Variants in PDE8B observed in about 807,000 individuals in gnomAD.
The protein encoded by PDE8B is high affinity cAMP-specific and IBMX-insensitive 3',5'-cyclic phosphodiesterase 8B.
Under a neutral mutation model 101.3 loss-of-function variants are expected in PDE8B, and 26 were observed. The ratio of observed to expected loss-of-function variants is 0.26; its 90% CI spans 0.19 to 0.36. PDE8B has a LOEUF of 0.36. PDE8B is among the 10% of genes least tolerant of loss of function. The pLI, the probability that PDE8B is intolerant of heterozygous loss-of-function variation, is 1.00. For missense variants in PDE8B, 810 were observed against 1,163.1 expected (o/e 0.70, Z 4.42); for synonymous variants, 424 against 429.3 (o/e 0.99, Z 0.15).
At chr5:77,215,037 T>C (rs1749361237) in intron 1 of PDE8B, among the ~76,000 whole-genome samples, 1 of 152,188 alleles carries the variant, frequency 6.6e-6, no homozygotes, top group African/African-American at 2.4e-5. Flanking sequence ...ACTGCTTTCA[T>C]CTTAGTTCAC....
chr5:77,141,545 A>G, the PDE8B span: 2 of 152,344 alleles, frequency 1.3e-5, no homozygotes, highest in East Asian at 3.9e-4. Context: ...CCAACTCTGC[A>G]GGATACATAA....
At chr5:77,183,948 T>A in the PDE8B span, among the ~76,000 whole-genome samples, 2 of 151,662 alleles carry the variant, frequency 1.3e-5, no homozygotes, top group East Asian at 3.9e-4. Flanking sequence ...TGAAAGATCA[T>A]GGTTACTATT....
chr5:77,413,085 C>G (rs541998731), intron 16 of PDE8B, 26 bp from the exon 17 acceptor site: 1 of 1,595,166 alleles, frequency 6.3e-7, no homozygotes, highest in African/African-American at 1.3e-5. Context: ...ATACAATGAG[C>G]CAGGGTGGGT....
intron 10 of PDE8B, 135 bp downstream of exon 10, chr5:77,353,541 G>A (rs1474397403): frequency 1.4e-6 from 1 of 705,300 alleles, no homozygotes; most frequent in African/African-American, 1.8e-5. Context: ...AGATTTATGG[G>A]AAAATTTGGT....
the PDE8B span, chr5:77,146,744 T>G: frequency 9.5e-6 from 3 of 316,932 alleles, no homozygotes; most frequent in Admixed American, 1.0e-4. Flanking sequence ...AAGGGAAATT[T>G]GAAGACATGG....
the PDE8B span, among the ~76,000 whole-genome samples, chr5:77,097,685 T>TTATATATC: frequency 1.1e-4 from 2 of 18,144 alleles, no homozygotes; most frequent in Non-Finnish European, 1.4e-4. Flanking sequence ...TGTGGAGATT[T>TTATATATC]TATATATCTA....
intron 2 of PDE8B, among the ~76,000 whole-genome samples, chr5:77,314,742 G>A (rs193204949): frequency 3.9e-4 from 60 of 152,082 alleles, no homozygotes; most frequent in Admixed American, 3.5e-3. Context: ...GAACAATGGT[G>A]TGTTTAGCTT....
At chr5:77,226,778 G>A (rs866405318) in intron 1 of PDE8B, among the ~76,000 whole-genome samples, 1 of 152,138 alleles carries the variant, frequency 6.6e-6, no homozygotes. Context: ...GATTTTCTTT[G>A]AGTAAAATGT....
intron 14 of PDE8B, chr5:77,411,072 C>T (rs1381326446): frequency 6.5e-6 from 1 of 152,730 alleles, no homozygotes; most frequent in African/African-American, 2.4e-5. Flanking sequence ...GAATTTCGTC[C>T]ACTCTCTTAA....
the PDE8B span, among the ~76,000 whole-genome samples, chr5:77,103,826 C>T: frequency 7.2e-5 from 11 of 152,156 alleles, no homozygotes; most frequent in Non-Finnish European, 1.6e-4. Context: ...CTTTCTGGTC[C>T]TTTTGCTTTT....
intron 10 of PDE8B, among the ~76,000 whole-genome samples, chr5:77,386,142 CTGTT>C (rs1426948027): frequency 8.5e-5 from 13 of 152,252 alleles, no homozygotes; most frequent in Admixed American, 1.3e-4. Context: ...GTCTGAGAGA[CTGTT>C]TGTTTTGATT....
intron 1 of PDE8B, among the ~76,000 whole-genome samples, chr5:77,248,898 C>T (rs559554460): frequency 6.6e-6 from 1 of 152,314 alleles, no homozygotes; most frequent in South Asian, 2.1e-4. Context: ...TCCCCACTCC[C>T]TGCCATGTGA....
the PDE8B span, chr5:77,114,979 C>T: frequency 1.1e-4 from 17 of 152,028 alleles, no homozygotes; most frequent in African/African-American, 3.6e-4. Flanking sequence ...GTCTCAGAGT[C>T]TCTAGTATAT....
At chr5:77,322,018 C>T (rs771589060) in intron 2 of PDE8B, among the ~76,000 whole-genome samples, 2 of 152,120 alleles carry the variant, frequency 1.3e-5, no homozygotes, top group Admixed American at 6.5e-5. Flanking sequence ...GAGGAGATCC[C>T]GGGCAAGAGC....
At position 77,417,159 on chromosome 5, in the gene PDE8B, C is replaced by T. The variant is rs116450581; in HGVS notation, c.1912-1070C>T. 5.2e-3 allele frequency among the ~76,000 whole-genome samples: 788 copies of T among 152,274 alleles called. 8 individuals are homozygous for T. Among genetic ancestry groups the T allele is most frequent in the African/African-American group, 0.018 (759 of 41,548 alleles). ...AATTTAAAATGCAGTTCGTCAGTTG[C>T]ACTGGCTACCTTTCAAGTGTCCAGT... is the stretch of plus-strand genomic sequence containing the variant. On this transcript the variant is annotated intron_variant, in intron 17 of 21. Transcript: ENST00000264917.
chr5:77,422,123 AC>A, intron 20 of PDE8B, 135 bp downstream of exon 20: 8 of 954,300 alleles, frequency 8.4e-6, no homozygotes, highest in Non-Finnish European at 1.3e-5. Flanking sequence ...AAAGCAGCTT[AC>A]CCCCACCTGG....
intron 7 of PDE8B, among the ~76,000 whole-genome samples, chr5:77,345,706 T>C (rs1780015192): frequency 1.3e-5 from 2 of 152,210 alleles, no homozygotes; most frequent in South Asian, 4.1e-4. Flanking sequence ...TGTTGGAAAG[T>C]AAGACATCTG....
the PDE8B span, among the ~76,000 whole-genome samples, chr5:77,154,043 T>C: frequency 0.033 from 4,993 of 152,324 alleles, 260 homozygotes; most frequent in African/African-American, 0.11. Flanking sequence ...AAGCTTTTTT[T>C]GCTAAGGAAG....
At chr5:77,144,001 A>G in the PDE8B span, 1 of 152,064 alleles carries the variant, frequency 6.6e-6, no homozygotes, top group Non-Finnish European at 1.5e-5. Flanking sequence ...TTTCCTGGCT[A>G]CATGGAGGGT....
Sources: allele counts gnomAD v4.1 joint callset (sites outside exome capture counted in the v4.1 genomes callset), GRCh38; gene constraint gnomAD v4.1.1; transcripts MANE v1.5; gene names NCBI Gene and HGNC (gene_info 2026-07-23, HGNC 2026-07-21).